Variants in CDON observed in about 807,000 individuals in gnomAD.
The protein encoded by CDON is cell adhesion molecule-related/down-regulated by oncogenes.
Under a neutral mutation model 120.9 loss-of-function variants are expected in CDON, and 73 were observed. The ratio of observed to expected loss-of-function variants is 0.60; its 90% CI spans 0.50 to 0.73. The LOEUF is 0.73. CDON is among the 30% of genes least tolerant of loss of function. The pLI is 0.00. For missense variants in CDON, 1,470 were observed against 1,587.3 expected (o/e 0.93, Z 1.26); for synonymous variants, 566 against 573.5 (o/e 0.99, Z 0.19).
At chr11:126,018,255 A>G (rs1947529143) in intron 5 of CDON, 75 bp downstream of exon 5, 3 of 1,451,938 alleles carry the variant, frequency 2.1e-6, no homozygotes, top group Admixed American at 3.4e-5. Flanking sequence ...TTTGAAAAAA[A>G]AATGAACTAT....
At chr11:126,030,804 T>C (rs895862894) in intron 1 of CDON, among the ~76,000 whole-genome samples, 1 of 152,244 alleles carries the variant, frequency 6.6e-6, no homozygotes, top group African/African-American at 2.4e-5. Flanking sequence ...TTGGGCTACC[T>C]TGACCTTAAC....
At position 126,062,825 on chromosome 11, in the gene CDON, CG is replaced by C. The variant is rs1240807313; in HGVS notation, c.-309del. ...TCTCCTCGCACCTAGCCGCGCGAGC[CG>C]GGCTCCCGGGCTCAGGGGAGGGGAG... On this transcript the variant is annotated 5_prime_UTR_variant, in exon 1 of 20. Coordinates refer to ENST00000531738, the MANE Select transcript of CDON (RefSeq NM_001378964.1). The C allele has an allele frequency of 6.6e-6, 1 of 151,506 alleles. No homozygotes were observed. Among genetic ancestry groups the C allele is most frequent in the East Asian group, 2.0e-4 (1 of 5,110 alleles). 9.4% of individuals were successfully genotyped at this position (151,506 alleles called of 1,614,324 possible). A position where few individuals can be genotyped will look rare whatever the true frequency, so the allele number is the denominator to read the frequency against.
At chr11:125,979,737 T>C (rs1253031188) in intron 17 of CDON, among the ~76,000 whole-genome samples, 1 of 151,390 alleles carries the variant, frequency 6.6e-6, no homozygotes, top group Non-Finnish European at 1.5e-5. Context: ...ATGTTAATGC[T>C]CTCTCCTTCA....
At chr11:125,993,722 C>T (rs528214387) in intron 14 of CDON, among the ~76,000 whole-genome samples, 59 of 151,950 alleles carry the variant, frequency 3.9e-4, no homozygotes, top group African/African-American at 1.3e-3. Context: ...ATGCAAGAGA[C>T]GTGGTGTAGG....
intron 1 of CDON, among the ~76,000 whole-genome samples, chr11:126,047,410 T>C (rs1359199690): frequency 6.6e-6 from 1 of 152,150 alleles, no homozygotes; most frequent in Non-Finnish European, 1.5e-5. Context: ...GCACATACAA[T>C]CAATTCTAGT....
intron 2 of CDON, among the ~76,000 whole-genome samples, chr11:126,021,994 C>T (rs939058572): frequency 6.6e-6 from 1 of 150,548 alleles, no homozygotes; most frequent in African/African-American, 2.4e-5. Context: ...TCTTACTACT[C>T]CAGAGGCTGA....
intron 1 of CDON, among the ~76,000 whole-genome samples, chr11:126,053,550 G>C (rs978775065): frequency 6.6e-6 from 1 of 152,210 alleles, no homozygotes; most frequent in African/African-American, 2.4e-5. Context: ...TTTTTACACA[G>C]AGGGATAAAT....
chr11:125,976,618 AACACAC>A (rs60615493), intron 18 of CDON, among the ~76,000 whole-genome samples: 34,378 of 151,082 alleles, frequency 0.23, 4,018 homozygotes, highest in Non-Finnish European at 0.26. Context: ...CACACACACA[AACACAC>A]ACACACACAC....
chr11:126,046,322 A>G (rs1948406101), intron 1 of CDON, among the ~76,000 whole-genome samples: 1 of 152,166 alleles, frequency 6.6e-6, no homozygotes, highest in Admixed American at 6.5e-5. Context: ...GGACCCACAG[A>G]GTATCGTAAA....
In CDON at chr11:125,961,904, G is replaced by A; in HGVS notation, c.3451C>T (p.Pro1151Ser). 1 of 1,614,214 alleles carries A rather than the reference G, an allele frequency of 6.2e-7. No individual in the cohort carries two copies. Among genetic ancestry groups the A allele is most frequent in the Non-Finnish European group, 8.5e-7 (1 of 1,180,020 alleles). Reference sequence around the variant, plus strand: ...ACAGGCACCTTCACGTGACTGAGGGGCTTCATTTCCAAACCATCCTGAGGA... The same window carrying A: ...ACAGGCACCTTCACGTGACTGAGGGACTTCATTTCCAAACCATCCTGAGGA... Reference protein sequence around the residue: ...PYPQDGLEMKPLSHVKVPVCL... With the variant: ...PYPQDGLEMKSLSHVKVPVCL... The change falls in exon 19 of 20, where the codon CCC becomes TCC. Residue 1151 changes from proline (P) to serine (S), a missense_variant. Physicochemically the swap from Pro to Ser is moderately conservative, Grantham distance 74. Transcript: ENST00000531738.
intron 18 of CDON, among the ~76,000 whole-genome samples, chr11:125,976,987 A>G (rs1423225597): frequency 6.6e-6 from 1 of 152,222 alleles, no homozygotes; most frequent in African/African-American, 2.4e-5. Context: ...GCTGATGACC[A>G]AGAACCACAA....
intron 16 of CDON, among the ~76,000 whole-genome samples, chr11:125,983,250 G>A (rs1946366264): frequency 6.6e-6 from 1 of 152,200 alleles, no homozygotes; most frequent in African/African-American, 2.4e-5. Flanking sequence ...GTGAGGTGAA[G>A]AGAACTGAAG....
At chr11:126,010,915 T>C (rs746430366) in intron 7 of CDON, 2 of 607,120 alleles carry the variant, frequency 3.3e-6, no homozygotes, top group South Asian at 3.0e-5. Context: ...GTAAATTTCC[T>C]GTCCTTCAGA....
At chr11:125,996,993 A>G (rs1946807101) in intron 12 of CDON, among the ~76,000 whole-genome samples, 1 of 152,066 alleles carries the variant, frequency 6.6e-6, no homozygotes, top group Non-Finnish European at 1.5e-5. Flanking sequence ...CCTGGGCAAC[A>G]TGGCAAAACC....
chr11:125,985,626 T>G (rs1452931823), intron 15 of CDON, among the ~76,000 whole-genome samples: 1 of 152,184 alleles, frequency 6.6e-6, no homozygotes, highest in African/African-American at 2.4e-5. Flanking sequence ...TATTGCTTAT[T>G]ATACCGAATC....
At chr11:125,968,933 A>G (rs140620865) in intron 18 of CDON, among the ~76,000 whole-genome samples, 182 of 152,368 alleles carry the variant, frequency 1.2e-3, no homozygotes, top group African/African-American at 3.8e-3. Flanking sequence ...AGGCATAAAG[A>G]ACATCATCTG....
At chr11:125,965,974 A>C (rs1292727537) in intron 18 of CDON, among the ~76,000 whole-genome samples, 1 of 152,088 alleles carries the variant, frequency 6.6e-6, no homozygotes, top group African/African-American at 2.4e-5. Flanking sequence ...GTCTCTACTA[A>C]AAAATACAAA....
At chr11:125,968,634 T>C (rs183528080) in intron 18 of CDON, among the ~76,000 whole-genome samples, 4 of 152,372 alleles carry the variant, frequency 2.6e-5, no homozygotes, top group East Asian at 1.9e-4. Context: ...CAGGAAATCA[T>C]AGCAGTGTTT....
At position 126,017,176 on chromosome 11, in the gene CDON, A is replaced by G; in HGVS notation, c.840T>C (p.Val280=). The G allele has an allele frequency of 1.2e-6, 2 of 1,614,214 alleles. No individual in the cohort carries two copies. The highest frequency in any genetic ancestry group is 1.7e-6 in the Non-Finnish European group (2 of 1,180,026). Residue 280 remains valine (V), a synonymous_variant, in exon 6 of 20, where the codon GTT becomes GTC. Coordinates refer to ENST00000531738, the MANE Select transcript of CDON (RefSeq NM_001378964.1). Reference sequence around the variant, plus strand: ...AATAGTTTCCGGAGTCCGCCGGGTCAACGCTATCAGTGGCAAGATGAGAAT... The same window carrying G: ...AATAGTTTCCGGAGTCCGCCGGGTCGACGCTATCAGTGGCAAGATGAGAAT... ...RLYSHLATDS[V]DPADSGNYSC... is the part of the protein sequence containing the mutation.
Sources: gnomAD v4.1 joint callset for allele counts (sites outside exome capture counted in the v4.1 genomes callset) on GRCh38, gnomAD v4.1.1 for gene constraint, MANE v1.5 for transcripts, NCBI Gene and HGNC (gene_info 2026-07-23, HGNC 2026-07-21) for gene names.